Variants in SCN11A observed in about 807,000 individuals in gnomAD.
The protein encoded by SCN11A is sodium channel protein type 11 subunit alpha.
Under a neutral mutation model 162.2 loss-of-function variants are expected in SCN11A, and 122 were observed. The observed-to-expected ratio is 0.75, with a 90% CI of 0.65 to 0.87. The LOEUF (loss-of-function observed/expected upper bound fraction) is 0.87. Among genes scored for constraint, SCN11A ranks in the 40% least tolerant of loss-of-function variants. The pLI, the probability that SCN11A is intolerant of heterozygous loss-of-function variation, is 0.00. For synonymous variants in SCN11A, 758 were observed against 751.5 expected (o/e 1.01, Z -0.14); for missense variants, 2,015 against 2,181.6 (o/e 0.92, Z 1.52).
At position 39,032,437 on chromosome 3, in the gene SCN11A, A is replaced by C. The variant is rs558346362; in HGVS notation, c.-337T>G. ...AGGGTACGGTGGAAAGACATACTGGATACTTTCACTGTGTTCAGCAAATGG... is the reference window on the plus strand; with the variant it reads ...AGGGTACGGTGGAAAGACATACTGGCTACTTTCACTGTGTTCAGCAAATGG... On this transcript the variant is annotated 5_prime_UTR_variant, in exon 2 of 30. Coordinates refer to ENST00000302328, the MANE Select transcript of SCN11A (RefSeq NM_001349253.2). Among the ~76,000 whole-genome samples, 31 of 152,322 alleles carry C rather than the reference A, an allele frequency of 2.0e-4. No individual in the cohort carries two copies. The highest frequency in any genetic ancestry group is 7.0e-4 in the African/African-American group (29 of 41,566).
chr3:38,920,830 A>C (rs1375355362), intron 10 of SCN11A, among the ~76,000 whole-genome samples: 1 of 152,196 alleles, frequency 6.6e-6, no homozygotes, highest in East Asian at 1.9e-4. Context: ...TCTAAATGGC[A>C]AAGGGATGGG....
chr3:39,038,632 T>C (rs1226452582), intron 1 of SCN11A, among the ~76,000 whole-genome samples: 1 of 152,214 alleles, frequency 6.6e-6, no homozygotes, highest in Non-Finnish European at 1.5e-5. Context: ...TGTCATCAGT[T>C]ACCACATCCA....
intron 11 of SCN11A, among the ~76,000 whole-genome samples, chr3:38,917,135 A>C (rs140155310): frequency 1.4e-3 from 216 of 152,394 alleles, no homozygotes; most frequent in African/African-American, 5.0e-3. Context: ...CACACCAGTC[A>C]GAATGGCTAT....
chr3:39,022,968 C>T lies in SCN11A; in HGVS notation c.-280+9412G>A, dbSNP rs76470039. On this transcript the variant is annotated intron_variant, in intron 2 of 29. Coordinates refer to ENST00000302328, the MANE Select transcript of SCN11A (RefSeq NM_001349253.2). Reference sequence around the variant, plus strand: ...ATTGGAAACTTTAACACTAAATTTTCGATGAAGTTAAGGAATTACTGTTAT... The same window carrying T: ...ATTGGAAACTTTAACACTAAATTTTTGATGAAGTTAAGGAATTACTGTTAT... Among the ~76,000 whole-genome samples, 1,370 of 152,008 alleles carry T rather than the reference C, an allele frequency of 9.0e-3. 25 individuals are homozygous for T. Among genetic ancestry groups the T allele is most frequent in the African/African-American group, 0.031 (1,282 of 41,462 alleles).
intron 2 of SCN11A, among the ~76,000 whole-genome samples, chr3:38,997,570 C>T (rs980784033): frequency 5.9e-5 from 9 of 152,194 alleles, no homozygotes; most frequent in African/African-American, 2.2e-4. Flanking sequence ...GATACGTATT[C>T]CTCTGCCCCC....
chr3:38,901,262 G>C (rs975356224), intron 16 of SCN11A, among the ~76,000 whole-genome samples: 1 of 151,878 alleles, frequency 6.6e-6, no homozygotes, highest in Non-Finnish European at 1.5e-5. Flanking sequence ...ATAAATCCAG[G>C]GTAGAAAAAT....
At position 38,900,078 on chromosome 3, in the gene SCN11A, A is replaced by G. The variant is rs2065673837; in HGVS notation, c.1843-5T>C. 6.2e-7 allele frequency: 1 copy of G among 1,612,798 alleles called. No homozygotes were observed. Among genetic ancestry groups the G allele is most frequent in the Admixed American group, 1.7e-5 (1 of 59,996 alleles). ...TATAAAAATGCTAGTGAAAACCTAG[A>G]GTGGGACAAAGAAGAATGAGAGAAG... On this transcript the variant is annotated splice_region_variant and splice_polypyrimidine_tract_variant and intron_variant, in intron 16 of 29. Transcript: ENST00000302328.
At chr3:39,015,357 T>C (rs958447935) in intron 2 of SCN11A, among the ~76,000 whole-genome samples, 60 of 152,202 alleles carry the variant, frequency 3.9e-4, no homozygotes, top group African/African-American at 1.4e-3. Context: ...GTCTCAGGTA[T>C]TCTGTTATAG....
chr3:38,978,595 G>C (rs1402565025), intron 2 of SCN11A, among the ~76,000 whole-genome samples: 1 of 151,994 alleles, frequency 6.6e-6, no homozygotes, highest in African/African-American at 2.4e-5. Flanking sequence ...GCGGTGAACC[G>C]AGATCACGCC....
intron 11 of SCN11A, among the ~76,000 whole-genome samples, chr3:38,919,029 T>C (rs542675811): frequency 5.2e-4 from 79 of 152,338 alleles, no homozygotes; most frequent in African/African-American, 1.8e-3. Flanking sequence ...GTACAGCATG[T>C]TACTATACTG....
chr3:39,004,745 T>C (rs1043104858), intron 2 of SCN11A, among the ~76,000 whole-genome samples: 5 of 152,170 alleles, frequency 3.3e-5, no homozygotes, highest in Admixed American at 1.3e-4. Flanking sequence ...TATGAAAATA[T>C]CTTTATTTTG....
intron 21 of SCN11A, among the ~76,000 whole-genome samples, chr3:38,883,675 C>A (rs1472802217): frequency 6.6e-6 from 1 of 152,128 alleles, no homozygotes; most frequent in African/African-American, 2.4e-5. Flanking sequence ...TAAAAAAAGG[C>A]AAATTCAGGC....
chr3:38,920,948 C>G, intron 10 of SCN11A, 128 bp downstream of exon 10: 2 of 852,848 alleles, frequency 2.3e-6, no homozygotes, highest in South Asian at 3.2e-5. Context: ...CAGGAGCACC[C>G]TGGATGGATG....
chr3:38,984,088 A>T (rs2030150536), intron 2 of SCN11A, among the ~76,000 whole-genome samples: 1 of 152,152 alleles, frequency 6.6e-6, no homozygotes, highest in Non-Finnish European at 1.5e-5. Context: ...CCTCTTTCCC[A>T]CTGTTCCTTC....
chr3:38,877,102 ATG>A (rs2065225932), intron 23 of SCN11A, among the ~76,000 whole-genome samples: 1 of 129,570 alleles, frequency 7.7e-6, no homozygotes, highest in Admixed American at 8.1e-5. Context: ...TGGTATATAT[ATG>A]GTGTATATAC....
chr3:38,852,369 C>T (rs988499687), intron 28 of SCN11A, among the ~76,000 whole-genome samples: 12 of 151,866 alleles, frequency 7.9e-5, no homozygotes, highest in African/African-American at 2.2e-4. Flanking sequence ...TCCAGGGAAG[C>T]GGAATGAAGG....
At chr3:38,898,194 C>G (rs540806396) in intron 17 of SCN11A, among the ~76,000 whole-genome samples, 1 of 152,120 alleles carries the variant, frequency 6.6e-6, no homozygotes, top group Admixed American at 6.5e-5. Context: ...GCTGAGATCA[C>G]GCCACTGTAC....
At chr3:38,893,276 T>C (rs536045333) in intron 19 of SCN11A, among the ~76,000 whole-genome samples, 27 of 152,268 alleles carry the variant, frequency 1.8e-4, no homozygotes, top group African/African-American at 6.5e-4. Context: ...AAGAGGGACA[T>C]TTTATAATGA....
intron 2 of SCN11A, among the ~76,000 whole-genome samples, chr3:38,966,481 A>G (rs2066783311): frequency 2.0e-5 from 3 of 152,348 alleles, no homozygotes; most frequent in Middle Eastern, 6.8e-3. Flanking sequence ...TTATTGCTAT[A>G]CAATATTTTA....
Sources: allele counts gnomAD v4.1 joint callset (sites outside exome capture counted in the v4.1 genomes callset), GRCh38; gene constraint gnomAD v4.1.1; transcripts MANE v1.5; gene names NCBI Gene and HGNC (gene_info 2026-07-23, HGNC 2026-07-21).